The following CLMN variants were observed in gnomAD, a reference collection of about 807,000 sequenced individuals.
The protein encoded by CLMN is calmin.
Under a neutral mutation model 92.7 loss-of-function variants are expected in CLMN, and 57 were observed. That is an observed-to-expected ratio of 0.61 (90% CI 0.50 to 0.77). The LOEUF is 0.77. Among genes scored for constraint, CLMN ranks in the 30% least tolerant of loss-of-function variants. CLMN has a pLI of 0.00. For missense variants in CLMN, 1,158 were observed against 1,237.5 expected, an observed-to-expected ratio of 0.94 and a Z score of 0.96; for synonymous variants, 466 against 470.6, an observed-to-expected ratio of 0.99 and a Z score of 0.13.
intron 9 of CLMN, among the ~76,000 whole-genome samples, 179 bp from the exon 10 acceptor site, chr14:95,196,873 C>T (rs1306361914): frequency 6.6e-6 from 1 of 152,236 alleles, no homozygotes; most frequent in Non-Finnish European, 1.5e-5. Flanking sequence ...AAGTCCACCC[C>T]AACTCCGGCC....
intron 1 of CLMN, among the ~76,000 whole-genome samples, chr14:95,282,086 A>G (rs1180987564): frequency 2.0e-5 from 3 of 152,222 alleles, no homozygotes; most frequent in African/African-American, 7.2e-5. Context: ...GAACATGTCA[A>G]TTGGGTTCTG....
intron 1 of CLMN, among the ~76,000 whole-genome samples, chr14:95,312,469 G>A (rs1317340626): frequency 6.6e-6 from 1 of 152,156 alleles, no homozygotes; most frequent in African/African-American, 2.4e-5. Flanking sequence ...CCTTCTACTT[G>A]TCACGTGCCC....
At chr14:95,240,338 A>T (rs992452824) in intron 1 of CLMN, among the ~76,000 whole-genome samples, 1 of 152,140 alleles carries the variant, frequency 6.6e-6, no homozygotes, top group Non-Finnish European at 1.5e-5. Flanking sequence ...TATGCAGGGA[A>T]TGGTGTGGCA....
chr14:95,298,227 A>G (rs115102486), intron 1 of CLMN, among the ~76,000 whole-genome samples: 8,076 of 151,420 alleles, frequency 0.053, 445 homozygotes, highest in African/African-American at 0.13. Context: ...TTCCCCCCCA[A>G]TAGATTTTAT....
Position 95,319,860 on chromosome 14 carries a change from G to GCGCGGAGAGCCTGGCTGGCGGT in CLMN, c.-69_-68insACCGCCAGCCAGGCTCTCCGCG. On this transcript the variant is annotated 5_prime_UTR_variant, in exon 1 of 13. Transcript: ENST00000298912. ...CGGGCGCGGAGAGCCTGGCTGGCGG[G>GCGCGGAGAGCCTGGCTGGCGGT]CGCGCGAGCGGCACGCACCCGGCGA... 1.1e-6 allele frequency: 1 copy of GCGCGGAGAGCCTGGCTGGCGGT among 918,242 alleles called. No individual in the cohort carries two copies. The highest frequency in any genetic ancestry group is 1.3e-6 in the Non-Finnish European group (1 of 768,602). 56.9% of individuals were successfully genotyped at this position (918,242 alleles called of 1,614,324 possible).
In CLMN at chr14:95,203,938, C is replaced by T; in HGVS notation, c.1411G>A (p.Glu471Lys). 6.2e-7 allele frequency: 1 copy of T among 1,614,186 alleles called. No homozygotes were observed. The highest frequency in any genetic ancestry group is 8.5e-7 in the Non-Finnish European group (1 of 1,180,040). ...GHVLAVEVAE[E>K]KEQKQESSKI... Reference sequence around the variant, plus strand: ...GAGGATTCCTGTTTCTGTTCCTTTTCCTCAGCAACCTCAACTGCCAAGACA... The same window carrying T: ...GAGGATTCCTGTTTCTGTTCCTTTTTCTCAGCAACCTCAACTGCCAAGACA... The change falls in exon 9 of 13, where the codon GAA becomes AAA. Residue 471 changes from glutamate (E) to lysine (K), a missense_variant. Glu to Lys is a moderately conservative substitution (Grantham distance 56). Coordinates refer to ENST00000298912, the MANE Select transcript of CLMN (RefSeq NM_024734.4).
intron 1 of CLMN, among the ~76,000 whole-genome samples, chr14:95,252,660 A>G (rs1898836870): frequency 6.6e-6 from 1 of 152,206 alleles, no homozygotes; most frequent in Non-Finnish European, 1.5e-5. Flanking sequence ...CCTGTGATTT[A>G]GAGTGGAGGT....
chr14:95,239,199 A>G (rs1183018811), intron 1 of CLMN, among the ~76,000 whole-genome samples: 3 of 152,226 alleles, frequency 2.0e-5, no homozygotes, highest in African/African-American at 7.2e-5. Flanking sequence ...ACAAGGATTG[A>G]AATAGTACTG....
intron 1 of CLMN, among the ~76,000 whole-genome samples, chr14:95,264,899 CAA>C (rs1038829338): frequency 7.0e-6 from 1 of 143,466 alleles, no homozygotes; most frequent in African/African-American, 2.6e-5. Flanking sequence ...ATGGATCTAC[CAA>C]AACACCGTCA....
In CLMN at chr14:95,204,001, G is replaced by A; in HGVS notation, c.1348C>T (p.Pro450Ser). The A allele has an allele frequency of 6.2e-7, 1 of 1,614,124 alleles. No homozygotes were observed. The highest frequency in any genetic ancestry group is 1.1e-5 in the South Asian group (1 of 91,082). ...KNLSLCFEGS[P>S]RVAKESLRQD... Reference sequence around the variant, plus strand: ...CTCAATGATTCCTTTGCCACTCTTGGGCTCCCTTCAAAGCAAAGGGACAGG... The same window carrying A: ...CTCAATGATTCCTTTGCCACTCTTGAGCTCCCTTCAAAGCAAAGGGACAGG... Residue 450 changes from proline to serine, a missense_variant, in exon 9 of 13, where the codon CCA becomes TCA. Coordinates refer to ENST00000298912, the MANE Select transcript of CLMN (RefSeq NM_024734.4).
chr14:95,203,883 A>T lies in CLMN; in HGVS notation c.1466T>A (p.Val489Asp). ...SKIPESSSDK[V>D]AGDIFLVEGT... ...CTCCACCAAAAAAATGTCACCAGCG[A>T]CCTTGTCAGAGGAGGATTCTGGAAT... The change falls in exon 9 of 13, where the codon GTC becomes GAC. Residue 489 changes from valine (V) to aspartate (D), a missense_variant. Physicochemically the swap from Val to Asp is radical, Grantham distance 152. Coordinates refer to ENST00000298912, the MANE Select transcript of CLMN (RefSeq NM_024734.4). 6.2e-7 allele frequency: 1 copy of T among 1,614,106 alleles called. No individual in the cohort carries two copies. Among genetic ancestry groups the T allele is most frequent in the Non-Finnish European group, 8.5e-7 (1 of 1,180,002 alleles).
At chr14:95,232,916 T>G (rs1374186510) in intron 1 of CLMN, among the ~76,000 whole-genome samples, 2 of 152,332 alleles carry the variant, frequency 1.3e-5, no homozygotes, top group Non-Finnish European at 2.9e-5. Flanking sequence ...AAACAAGCAT[T>G]GTATGAGCAT....
chr14:95,218,244 G>A (rs960123067), intron 4 of CLMN, among the ~76,000 whole-genome samples: 4 of 152,186 alleles, frequency 2.6e-5, no homozygotes, highest in African/African-American at 7.2e-5. Context: ...CAGCCATCCC[G>A]AGAATGGAGA....
At chr14:95,224,407 C>T (rs1367042760) in intron 2 of CLMN, among the ~76,000 whole-genome samples, 3 of 152,112 alleles carry the variant, frequency 2.0e-5, no homozygotes, top group East Asian at 3.9e-4. Context: ...CTCCGCCTCT[C>T]GAGGAGCTGG....
intron 2 of CLMN, among the ~76,000 whole-genome samples, chr14:95,225,475 C>T (rs1897682099): frequency 1.3e-5 from 2 of 152,366 alleles, no homozygotes; most frequent in Non-Finnish European, 2.9e-5. Flanking sequence ...CAGCCCCCAC[C>T]TACCCGGCCC....
chr14:95,297,597 T>C (rs1335842133), intron 1 of CLMN, among the ~76,000 whole-genome samples: 1 of 152,218 alleles, frequency 6.6e-6, no homozygotes, highest in Non-Finnish European at 1.5e-5. Flanking sequence ...GTCATATACA[T>C]GGAATCATGC....
intron 3 of CLMN, chr14:95,222,459 C>T (rs574298813): frequency 2.4e-6 from 1 of 421,680 alleles, no homozygotes; most frequent in East Asian, 7.2e-5. Context: ...CATTACAAGG[C>T]AAACCAGTGG....
chr14:95,239,908 G>C (rs986794602), intron 1 of CLMN, among the ~76,000 whole-genome samples: 1 of 152,180 alleles, frequency 6.6e-6, no homozygotes. Flanking sequence ...TAATGGAGCT[G>C]TCTTATACAG....
intron 1 of CLMN, among the ~76,000 whole-genome samples, chr14:95,290,007 A>T (rs1900501615): frequency 6.6e-6 from 1 of 152,252 alleles, no homozygotes; most frequent in African/African-American, 2.4e-5. Context: ...TTCAAGGCAA[A>T]GTGTCCATTC....
Sources: allele counts gnomAD v4.1 joint callset (sites outside exome capture counted in the v4.1 genomes callset), GRCh38; gene constraint gnomAD v4.1.1; transcripts MANE v1.5; gene names NCBI Gene and HGNC (gene_info 2026-07-23, HGNC 2026-07-21).